The following MCMBP variants were observed in gnomAD, a reference collection of about 807,000 sequenced individuals.
MCMBP encodes the protein mini-chromosome maintenance complex-binding protein.
In MCMBP, 31 loss-of-function variants were observed where a neutral mutation model predicts 81.3. The ratio of observed to expected loss-of-function variants is 0.38; its 90% CI spans 0.29 to 0.51. MCMBP has a LOEUF of 0.51. Among genes scored for constraint, MCMBP ranks in the 20% least tolerant of loss-of-function variants. MCMBP has a pLI of 0.87. For missense variants in MCMBP, 645 were observed against 772.1 expected, an observed-to-expected ratio of 0.84 and a Z score of 1.95; for synonymous variants, 267 against 275.9, an observed-to-expected ratio of 0.97 and a Z score of 0.32.
chr10:119,872,197 G>A (rs1853703004), intron 1 of MCMBP, among the ~76,000 whole-genome samples: 1 of 152,090 alleles, frequency 6.6e-6, no homozygotes, highest in Non-Finnish European at 1.5e-5. Flanking sequence ...TGCTGCGCCC[G>A]GGGCCGGGGC....
intron 9 of MCMBP, 90 bp from the exon 10 acceptor site, chr10:119,842,685 C>A: frequency 1.4e-6 from 2 of 1,403,386 alleles, no homozygotes; most frequent in African/African-American, 1.4e-5. Context: ...GAGCAAAGCA[C>A]AATTCAGTCG....
chr10:119,858,770 A>T (rs936702962), intron 4 of MCMBP, 114 bp downstream of exon 4: 2 of 828,560 alleles, frequency 2.4e-6, no homozygotes, highest in Non-Finnish European at 3.8e-6. Context: ...AACATTTCAC[A>T]TGATTTCTTG....
intron 1 of MCMBP, among the ~76,000 whole-genome samples, chr10:119,861,613 A>G (rs772191228): frequency 1.3e-5 from 2 of 152,194 alleles, no homozygotes; most frequent in African/African-American, 4.8e-5. Flanking sequence ...CACGACTGCC[A>G]CACCAACTAT....
At chr10:119,850,579 C>T (rs1448758872) in intron 6 of MCMBP, among the ~76,000 whole-genome samples, 3 of 151,762 alleles carry the variant, frequency 2.0e-5, no homozygotes, top group African/African-American at 7.3e-5. Context: ...GAAACCCCGT[C>T]TCTACTAAAA....
intron 6 of MCMBP, among the ~76,000 whole-genome samples, chr10:119,850,874 G>GTTTTTTTTTTTTTTT (rs1284100421): frequency 2.4e-4 from 31 of 130,540 alleles, no homozygotes; most frequent in Middle Eastern, 3.9e-3. Flanking sequence ...TACAAGATCT[G>GTTTTTTTTTTTTTTT]TTTTTTTTTT....
intron 1 of MCMBP, among the ~76,000 whole-genome samples, chr10:119,864,870 G>A (rs1853398545): frequency 6.6e-6 from 1 of 152,110 alleles, no homozygotes; most frequent in South Asian, 2.1e-4. Flanking sequence ...TCCTTTGAGA[G>A]TTTTTAATCC....
chr10:119,837,067 T>C, intron 12 of MCMBP, 38 bp from the exon 13 acceptor site: 7 of 1,605,602 alleles, frequency 4.4e-6, no homozygotes, highest in Non-Finnish European at 6.0e-6. Flanking sequence ...CATTTGACTT[T>C]AATCATCTAA....
intron 5 of MCMBP, among the ~76,000 whole-genome samples, chr10:119,855,816 T>G (rs2134383809): frequency 6.6e-6 from 1 of 152,250 alleles, no homozygotes; most frequent in East Asian, 1.9e-4. Flanking sequence ...ATGCTAGATA[T>G]CCCACAGACA....
intron 8 of MCMBP, among the ~76,000 whole-genome samples, chr10:119,845,670 C>T (rs972173383): frequency 6.6e-6 from 1 of 152,080 alleles, no homozygotes; most frequent in Non-Finnish European, 1.5e-5. Flanking sequence ...AGAAAAGTTA[C>T]CTGAGTAAGT....
chr10:119,868,322 A>G (rs574664592), intron 1 of MCMBP, among the ~76,000 whole-genome samples: 48 of 152,280 alleles, frequency 3.2e-4, no homozygotes, highest in Non-Finnish European at 6.2e-4. Flanking sequence ...GCTACTCGAG[A>G]GGCTGAGGCA....
chr10:119,848,430 A>C (rs1852695077), intron 7 of MCMBP, among the ~76,000 whole-genome samples: 1 of 152,178 alleles, frequency 6.6e-6, no homozygotes, highest in African/African-American at 2.4e-5. Context: ...TGGCCAACAT[A>C]GTGAAACCCC....
At chr10:119,846,215 C>T (rs1852615965) in intron 8 of MCMBP, among the ~76,000 whole-genome samples, 1 of 152,102 alleles carries the variant, frequency 6.6e-6, no homozygotes, top group Admixed American at 6.5e-5. Context: ...GACCCGGCAC[C>T]TGCTTAAAGT....
At chr10:119,872,405 C>T (rs1853717442) in intron 1 of MCMBP, 122 bp downstream of exon 1, 2 of 475,976 alleles carry the variant, frequency 4.2e-6, no homozygotes, top group Non-Finnish European at 6.0e-6. Context: ...GCCCCGGGGC[C>T]CCGTCTCGGG....
chr10:119,836,420 T>C (rs1852243917), intron 13 of MCMBP, among the ~76,000 whole-genome samples: 1 of 152,194 alleles, frequency 6.6e-6, no homozygotes, highest in Non-Finnish European at 1.5e-5. Context: ...TTTCCCATCA[T>C]CCACAGAATT....
At chr10:119,854,802 C>CA (rs967110521) in intron 5 of MCMBP, among the ~76,000 whole-genome samples, 15 of 151,074 alleles carry the variant, frequency 9.9e-5, no homozygotes, top group African/African-American at 3.4e-4. Flanking sequence ...ACTAAAAACA[C>CA]AAAAAAACTG....
intron 1 of MCMBP, among the ~76,000 whole-genome samples, chr10:119,862,044 C>A (rs539080392): frequency 6.6e-6 from 1 of 152,282 alleles, no homozygotes; most frequent in East Asian, 1.9e-4. Flanking sequence ...CGGTGGCTCA[C>A]ACCTGTAATT....
chr10:119,849,918 C>T (rs1039650422), intron 6 of MCMBP, among the ~76,000 whole-genome samples: 4 of 152,052 alleles, frequency 2.6e-5, no homozygotes, highest in Non-Finnish European at 5.9e-5. Context: ...CATGGTCTAC[C>T]GACAGCAAAA....
At chr10:119,840,994 G>A (rs753623940) in intron 10 of MCMBP, 34 bp from the exon 11 acceptor site, 1 of 1,226,340 alleles carries the variant, frequency 8.2e-7, no homozygotes, top group African/African-American at 1.5e-5. Flanking sequence ...ATAAGATGCT[G>A]AAGTGACTTC....
chr10:119,852,575 T>C (rs547043943), intron 6 of MCMBP, among the ~76,000 whole-genome samples: 63 of 152,230 alleles, frequency 4.1e-4, no homozygotes, highest in Non-Finnish European at 7.9e-4. Flanking sequence ...ACTAGGCAGG[T>C]TGAAGTGACA....
Sources: allele counts gnomAD v4.1 joint callset (sites outside exome capture counted in the v4.1 genomes callset), GRCh38; gene constraint gnomAD v4.1.1; transcripts MANE v1.5; gene names NCBI Gene and HGNC (gene_info 2026-07-23, HGNC 2026-07-21).